Variants in MAGI2 observed in about 807,000 individuals in gnomAD.
The protein encoded by MAGI2 is membrane associated guanylate kinase, WW and PDZ domain containing 2.
A neutral mutation model predicts 133.3 loss-of-function variants in MAGI2; 35 were observed. The observed-to-expected ratio is 0.26, with a 90% CI of 0.20 to 0.35. The LOEUF (loss-of-function observed/expected upper bound fraction) is 0.35, where lower values mean the gene tolerates loss of function less well. Ranked by LOEUF, MAGI2 falls within the 10% of genes least tolerant of loss-of-function variation. The probability of loss-of-function intolerance (pLI) is 1.00; values close to 1 mark genes in which losing one functional copy is unlikely to be tolerated. For missense variants in MAGI2, 1,636 were observed against 1,863.4 expected, an observed-to-expected ratio of 0.88 and a Z score of 2.25; for synonymous variants, 729 against 710.6, an observed-to-expected ratio of 1.03 and a Z score of -0.41.
chr7:79,257,836 T>C (rs147356702), intron 1 of MAGI2, among the ~76,000 whole-genome samples: 1 of 152,308 alleles, frequency 6.6e-6, no homozygotes, highest in East Asian at 1.9e-4. Context: ...CACACAGTTA[T>C]TGATGTATTT....
intron 20 of MAGI2, among the ~76,000 whole-genome samples, chr7:78,113,153 G>A (rs1339589963): frequency 1.9e-5 from 2 of 104,724 alleles, no homozygotes; most frequent in South Asian, 2.7e-4. Flanking sequence ...GATAGAACAC[G>A]CAGGGAGGGG....
chr7:78,474,563 T>A (rs1315804918), intron 6 of MAGI2, among the ~76,000 whole-genome samples: 2 of 151,906 alleles, frequency 1.3e-5, no homozygotes, highest in Non-Finnish European at 2.9e-5. Flanking sequence ...CAGAGTGAGA[T>A]CTATACATTT....
At chr7:78,981,778 A>G (rs1027457453) in intron 2 of MAGI2, among the ~76,000 whole-genome samples, 1 of 151,934 alleles carries the variant, frequency 6.6e-6, no homozygotes, top group Non-Finnish European at 1.5e-5. Context: ...TCTAGAACCA[A>G]TCTGAGCTTG....
intron 4 of MAGI2, among the ~76,000 whole-genome samples, chr7:78,510,008 T>C (rs1795431490): frequency 6.6e-6 from 1 of 152,242 alleles, no homozygotes; most frequent in African/African-American, 2.4e-5. Flanking sequence ...AGAAATCCAA[T>C]AATTTTTTCT....
chr7:78,969,517 G>A (rs138542523), intron 2 of MAGI2, among the ~76,000 whole-genome samples: 1 of 152,002 alleles, frequency 6.6e-6, no homozygotes, highest in African/African-American at 2.4e-5. Flanking sequence ...CAATGAAGCC[G>A]ATTCACGTCT....
intron 2 of MAGI2, among the ~76,000 whole-genome samples, chr7:78,892,251 C>A (rs541620682): frequency 1.3e-5 from 2 of 152,144 alleles, no homozygotes; most frequent in African/African-American, 4.8e-5. Flanking sequence ...TATGGAAGAA[C>A]ATTCCATGCT....
intron 21 of MAGI2, among the ~76,000 whole-genome samples, chr7:78,040,737 C>T (rs1810745218): frequency 6.6e-6 from 1 of 152,180 alleles, no homozygotes; most frequent in Admixed American, 6.5e-5. Flanking sequence ...CGTCTAAACC[C>T]TCGTGAAGTC....
chr7:78,962,176 C>G (rs1802903605), intron 2 of MAGI2, among the ~76,000 whole-genome samples: 1 of 151,966 alleles, frequency 6.6e-6, no homozygotes, highest in Non-Finnish European at 1.5e-5. Flanking sequence ...TATCTGGAAA[C>G]AAATCTTTGA....
At chr7:78,130,418 C>T (rs3823791) in intron 18 of MAGI2, among the ~76,000 whole-genome samples, 130,060 of 151,900 alleles carry the variant, frequency 0.86, 56,070 homozygotes, top group African/African-American at 0.91. Context: ...GCACTTCTTA[C>T]ACAAATGAAG....
chr7:78,556,168 C>A (rs1799805812), intron 3 of MAGI2, among the ~76,000 whole-genome samples: 2 of 152,066 alleles, frequency 1.3e-5, no homozygotes, highest in African/African-American at 4.8e-5. Context: ...GTAAGAGGCA[C>A]AGAAGATAAT....
intron 1 of MAGI2, among the ~76,000 whole-genome samples, chr7:79,127,816 T>C (rs1584994257): frequency 1.3e-5 from 2 of 152,244 alleles, no homozygotes; most frequent in South Asian, 4.1e-4. Flanking sequence ...AGATCCCATT[T>C]GTCAATTTTG....
chr7:78,630,847 C>T (rs1808913425), intron 2 of MAGI2, among the ~76,000 whole-genome samples: 1 of 152,122 alleles, frequency 6.6e-6, no homozygotes, highest in Non-Finnish European at 1.5e-5. Flanking sequence ...TATATTTTAT[C>T]AAGTTTATCC....
At chr7:78,056,187 C>T (rs561185840) in intron 21 of MAGI2, among the ~76,000 whole-genome samples, 1 of 152,256 alleles carries the variant, frequency 6.6e-6, no homozygotes, top group South Asian at 2.1e-4. Context: ...CTTTTTGTGA[C>T]TGGCTTATTT....
chr7:78,601,893 C>G (rs1404860467), intron 3 of MAGI2, among the ~76,000 whole-genome samples: 6 of 152,118 alleles, frequency 3.9e-5, no homozygotes, highest in Admixed American at 1.3e-4. Context: ...ACAGTGGACA[C>G]GTGGTATAAA....
chr7:78,832,820 G>C (rs993088567), intron 2 of MAGI2, among the ~76,000 whole-genome samples: 10 of 152,184 alleles, frequency 6.6e-5, no homozygotes, highest in African/African-American at 2.2e-4. Context: ...CCCCTGCAGA[G>C]AGCCTATGAA....
intron 2 of MAGI2, among the ~76,000 whole-genome samples, chr7:78,974,667 G>C (rs1222070987): frequency 6.6e-6 from 1 of 151,574 alleles, no homozygotes; most frequent in African/African-American, 2.4e-5. Flanking sequence ...AATTTTTATT[G>C]TAATCTCATT....
chr7:78,319,519 G>A (rs1161513956), intron 9 of MAGI2, among the ~76,000 whole-genome samples: 1 of 152,190 alleles, frequency 6.6e-6, no homozygotes, highest in African/African-American at 2.4e-5. Flanking sequence ...ACCTGCTCCT[G>A]AATGACTGCT....
At chr7:78,531,196 T>G (rs1481802809) in intron 3 of MAGI2, among the ~76,000 whole-genome samples, 1 of 151,734 alleles carries the variant, frequency 6.6e-6, no homozygotes, top group Non-Finnish European at 1.5e-5. Context: ...ATTGTGTTAT[T>G]AATGTAATTA....
chr7:78,032,679 T>C (rs1372964803), intron 21 of MAGI2, among the ~76,000 whole-genome samples: 2 of 152,042 alleles, frequency 1.3e-5, no homozygotes, highest in Non-Finnish European at 2.9e-5. Context: ...CTGATATGGA[T>C]TGGTGCAATG....
Sources: gnomAD v4.1 joint callset for allele counts (sites outside exome capture counted in the v4.1 genomes callset) on GRCh38, gnomAD v4.1.1 for gene constraint, MANE v1.5 for transcripts, NCBI Gene and HGNC (gene_info 2026-07-23, HGNC 2026-07-21) for gene names.